HTR2A: variants seen among roughly 807,000 people sequenced by gnomAD.
HTR2A encodes 5-HT2 receptor.
HTR2A carries 14 observed loss-of-function variants against 31.0 expected under a neutral mutation model. The observed-to-expected ratio is 0.45, with a 90% CI of 0.30 to 0.71. The LOEUF is 0.71. Among genes scored for constraint, HTR2A ranks in the 30% least tolerant of loss-of-function variants. The pLI, the probability that HTR2A is intolerant of heterozygous loss-of-function variation, is 0.09. For missense variants in HTR2A, 442 were observed against 573.3 expected (o/e 0.77, Z 2.34); for synonymous variants, 209 against 225.2 (o/e 0.93, Z 0.64).
intron 3 of HTR2A, among the ~76,000 whole-genome samples, chr13:46,858,291 T>A (rs7317640): frequency 1 from 151,841 of 152,078 alleles, 75,802 homozygotes; most frequent in Middle Eastern, 1. Context: ...ACGACCCCTC[T>A]CTCAGGCAGC....
Position 46,858,901 on chromosome 13 carries a change from G to A in HTR2A, c.614-23262C>T, listed in dbSNP as rs115898057. 1.0e-3 allele frequency among the ~76,000 whole-genome samples: 158 copies of A among 152,248 alleles called. 1 individual carries two copies. The highest frequency in any genetic ancestry group is 3.6e-3 in the African/African-American group (151 of 41,546). Reference sequence around the variant, plus strand: ...GGTCTGAGAAAAGCAGGGCAGATGCGCCATAAACCCTGATCTCACAATTGA... The same window carrying A: ...GGTCTGAGAAAAGCAGGGCAGATGCACCATAAACCCTGATCTCACAATTGA... On this transcript the variant is annotated intron_variant, in intron 3 of 3. Coordinates refer to ENST00000542664, the MANE Select transcript of HTR2A (RefSeq NM_000621.5).
chr13:46,842,189 T>C (rs907516175), intron 3 of HTR2A, among the ~76,000 whole-genome samples: 1 of 152,212 alleles, frequency 6.6e-6, no homozygotes, highest in African/African-American at 2.4e-5. Flanking sequence ...TCTTTTTTAA[T>C]GAGTGGATAT....
At chr13:46,866,352 G>C (rs753046728) in intron 3 of HTR2A, among the ~76,000 whole-genome samples, 41 of 152,004 alleles carry the variant, frequency 2.7e-4, no homozygotes, top group Non-Finnish European at 5.0e-4. Flanking sequence ...CCTGCTTCCT[G>C]TCCTAGGGTC....
chr13:46,849,604 C>T (rs556976996), intron 3 of HTR2A, among the ~76,000 whole-genome samples: 1 of 152,258 alleles, frequency 6.6e-6, no homozygotes, highest in Admixed American at 6.5e-5. Flanking sequence ...TTCATCAGGG[C>T]CTTGGGACTT....
intron 3 of HTR2A, among the ~76,000 whole-genome samples, chr13:46,850,310 G>T (rs976646819): frequency 6.6e-6 from 1 of 152,156 alleles, no homozygotes; most frequent in East Asian, 1.9e-4. Context: ...TGTGCTCCAG[G>T]CACTATCCTA....
intron 3 of HTR2A, among the ~76,000 whole-genome samples, chr13:46,891,878 T>C (rs1486111937): frequency 2.0e-5 from 3 of 152,190 alleles, no homozygotes; most frequent in African/African-American, 7.2e-5. Context: ...GGAAGGTCAA[T>C]AGGGACACTG....
At chr13:46,871,154 T>C (rs1019273541) in intron 3 of HTR2A, among the ~76,000 whole-genome samples, 4 of 152,232 alleles carry the variant, frequency 2.6e-5, no homozygotes, top group African/African-American at 7.2e-5. Context: ...TATTGCTGTT[T>C]ACTTGTACTG....
intron 3 of HTR2A, among the ~76,000 whole-genome samples, chr13:46,867,501 T>C (rs1950827243): frequency 6.6e-6 from 1 of 152,236 alleles, no homozygotes; most frequent in Non-Finnish European, 1.5e-5. Context: ...ATGTAATATA[T>C]AAAACTGTTA....
intron 3 of HTR2A, among the ~76,000 whole-genome samples, chr13:46,859,155 T>C (rs1950761483): frequency 1.3e-5 from 2 of 152,206 alleles, no homozygotes; most frequent in Non-Finnish European, 2.9e-5. Flanking sequence ...CAGGGATCTC[T>C]CTTTCCCAAA....
intron 3 of HTR2A, among the ~76,000 whole-genome samples, chr13:46,842,333 C>T (rs911335733): frequency 6.6e-6 from 1 of 152,128 alleles, no homozygotes; most frequent in East Asian, 1.9e-4. Context: ...AGTATTGTAT[C>T]CTTTCTCCCA....
At chr13:46,860,670 T>C (rs1200278612) in intron 3 of HTR2A, among the ~76,000 whole-genome samples, 1 of 152,238 alleles carries the variant, frequency 6.6e-6, no homozygotes, top group Non-Finnish European at 1.5e-5. Context: ...AATCAGAACA[T>C]ATTTTATTTG....
At chr13:46,891,573 TC>T (rs1951052893) in intron 3 of HTR2A, among the ~76,000 whole-genome samples, 2 of 152,252 alleles carry the variant, frequency 1.3e-5, no homozygotes, top group African/African-American at 4.8e-5. Flanking sequence ...TCATAGTCTC[TC>T]ATATTAGCGG....
intron 3 of HTR2A, among the ~76,000 whole-genome samples, chr13:46,865,429 A>C (rs779802090): frequency 1.2e-3 from 33 of 26,584 alleles, no homozygotes; most frequent in South Asian, 5.7e-3. Flanking sequence ...CTCAAAGTTC[A>C]TCAACAGAAA....
At position 46,896,910 on chromosome 13, in the gene HTR2A, C is replaced by G; in HGVS notation, c.-565G>C. On this transcript the variant is annotated 5_prime_UTR_variant, in exon 1 of 4. Transcript: ENST00000542664. ...GCACGGCTCGGCTGGGTTCCTCCCT[C>G]CCTGTGCGGCTCGCCTCAGCAGGCA... is the stretch of plus-strand genomic sequence containing the variant. 8.0e-6 allele frequency: 10 copies of G among 1,247,732 alleles called. No homozygotes were observed. Among genetic ancestry groups the G allele is most frequent in the Non-Finnish European group, 1.0e-5 (9 of 899,820 alleles). 77.3% of individuals were successfully genotyped at this position (1,247,732 alleles called of 1,614,324 possible).
At chr13:46,882,729 C>T (rs1248612678) in intron 3 of HTR2A, among the ~76,000 whole-genome samples, 1 of 152,200 alleles carries the variant, frequency 6.6e-6, no homozygotes, top group Non-Finnish European at 1.5e-5. Flanking sequence ...AAAGCCAAGA[C>T]AAGAGTTCAA....
intron 2 of HTR2A, among the ~76,000 whole-genome samples, chr13:46,894,559 T>A (rs1442093765): frequency 6.6e-6 from 1 of 152,230 alleles, no homozygotes; most frequent in Non-Finnish European, 1.5e-5. Flanking sequence ...GGGTTGATGT[T>A]TTTTAATCTT....
Position 46,858,816 on chromosome 13 carries a change from ATGG to A in HTR2A, c.614-23180_614-23178del, listed in dbSNP as rs1165310464. On this transcript the variant is annotated intron_variant, in intron 3 of 3. Transcript: ENST00000542664. ...GATATTCAGAGTTCTGGCTTGGCTG[ATGG>A]TGGACCATTTGGTGAGATGGGCACT... 5.3e-5 allele frequency among the ~76,000 whole-genome samples: 8 copies of A among 152,252 alleles called. No homozygotes were observed. In the East Asian group the frequency reaches 1.5e-3, roughly 29 times the overall value.
At chr13:46,866,123 A>G (rs552173531) in intron 3 of HTR2A, among the ~76,000 whole-genome samples, 1 of 152,312 alleles carries the variant, frequency 6.6e-6, no homozygotes, top group African/African-American at 2.4e-5. Context: ...AAAATTCCCT[A>G]TTAAAATGTC....
At chr13:46,839,504 T>C (rs1950583190) in intron 3 of HTR2A, among the ~76,000 whole-genome samples, 1 of 152,234 alleles carries the variant, frequency 6.6e-6, no homozygotes, top group Non-Finnish European at 1.5e-5. Flanking sequence ...ATTATCTGGC[T>C]GCTTTGTTTG....
Sources: allele counts gnomAD v4.1 joint callset (sites outside exome capture counted in the v4.1 genomes callset), GRCh38; gene constraint gnomAD v4.1.1; transcripts MANE v1.5; gene names NCBI Gene and HGNC (gene_info 2026-07-23, HGNC 2026-07-21).